The following SAMTOR variants were observed in gnomAD, a reference collection of about 807,000 sequenced individuals.
The protein encoded by SAMTOR is UPF0532 protein C7orf60.
the SAMTOR span, among the ~76,000 whole-genome samples, chr7:112,879,765 C>T: frequency 0.011 from 1,627 of 152,188 alleles, 30 homozygotes; most frequent in African/African-American, 0.037. Flanking sequence ...ATACATCTGC[C>T]ATGCCCATAA....
chr7:112,880,831 A>G, the SAMTOR span, among the ~76,000 whole-genome samples: 1 of 152,214 alleles, frequency 6.6e-6, no homozygotes, highest in Non-Finnish European at 1.5e-5. Context: ...TTGTATGTGT[A>G]TATTATTGAT....
At chr7:112,824,411 A>G in the SAMTOR span, among the ~76,000 whole-genome samples, 3 of 151,808 alleles carry the variant, frequency 2.0e-5, no homozygotes, top group Non-Finnish European at 4.4e-5. Flanking sequence ...CCCAGACTGG[A>G]GTGCAGTAGC....
chr7:112,925,840 C>T, the SAMTOR span, among the ~76,000 whole-genome samples: 2 of 150,666 alleles, frequency 1.3e-5, no homozygotes, highest in Non-Finnish European at 2.9e-5. Flanking sequence ...GACCTGGGTC[C>T]ATGTAGTTTA....
At chr7:112,935,557 C>T in the SAMTOR span, among the ~76,000 whole-genome samples, 1 of 143,140 alleles carries the variant, frequency 7.0e-6, no homozygotes, top group African/African-American at 2.6e-5. Flanking sequence ...TTAAGAATAC[C>T]TCTTTTAACA....
the SAMTOR span, among the ~76,000 whole-genome samples, chr7:112,897,485 TAAAATACTTA>T: frequency 1.3e-5 from 2 of 152,142 alleles, no homozygotes; most frequent in Admixed American, 1.3e-4. Context: ...ACTAAGGCAG[TAAAATACTTA>T]AAGGGCTAAA....
the SAMTOR span, among the ~76,000 whole-genome samples, chr7:112,920,278 T>C: frequency 1.3e-5 from 2 of 152,238 alleles, no homozygotes; most frequent in Non-Finnish European, 1.5e-5. Flanking sequence ...ATCCCTGGGA[T>C]GCAAGGCTGG....
At chr7:112,870,254 C>T in the SAMTOR span, among the ~76,000 whole-genome samples, 1 of 152,076 alleles carries the variant, frequency 6.6e-6, no homozygotes, top group Admixed American at 6.5e-5. Context: ...AGTCACTAGA[C>T]TATCCAAGGT....
chr7:112,925,724 G>A, the SAMTOR span, among the ~76,000 whole-genome samples: 1 of 151,886 alleles, frequency 6.6e-6, no homozygotes, highest in Non-Finnish European at 1.5e-5. Flanking sequence ...AACCTGGGAG[G>A]TGGAGGTTGC....
chr7:112,864,829 AC>A, the SAMTOR span, among the ~76,000 whole-genome samples: 1 of 152,280 alleles, frequency 6.6e-6, no homozygotes, highest in South Asian at 2.1e-4. Flanking sequence ...ATCACAGCTG[AC>A]TGCAACCTTG....
the SAMTOR span, among the ~76,000 whole-genome samples, chr7:112,890,831 C>T: frequency 6.6e-6 from 1 of 151,980 alleles, no homozygotes; most frequent in South Asian, 2.1e-4. Context: ...GCTAGGACCA[C>T]AGGCACATGC....
the SAMTOR span, chr7:112,822,267 G>C: frequency 2.7e-5 from 43 of 1,613,350 alleles, no homozygotes; most frequent in Middle Eastern, 4.9e-4. Context: ...TCCAGGAAGA[G>C]AATCAATAGG....
the SAMTOR span, among the ~76,000 whole-genome samples, chr7:112,825,043 A>G: frequency 1.3e-5 from 2 of 152,128 alleles, no homozygotes; most frequent in Admixed American, 1.3e-4. Flanking sequence ...CTCTATACAG[A>G]CAGGGTCTCA....
At chr7:112,927,783 C>T in the SAMTOR span, among the ~76,000 whole-genome samples, 1 of 152,004 alleles carries the variant, frequency 6.6e-6, no homozygotes, top group Non-Finnish European at 1.5e-5. Context: ...ACAAAGTTCA[C>T]ATTAACATGA....
At chr7:112,824,514 C>T in the SAMTOR span, among the ~76,000 whole-genome samples, 1 of 152,038 alleles carries the variant, frequency 6.6e-6, no homozygotes, top group African/African-American at 2.4e-5. Flanking sequence ...AGGCACGCAC[C>T]ACCATGCCTG....
At chr7:112,883,350 T>TTAA in the SAMTOR span, among the ~76,000 whole-genome samples, 1 of 152,218 alleles carries the variant, frequency 6.6e-6, no homozygotes, top group Non-Finnish European at 1.5e-5. Flanking sequence ...GAGAAGCATG[T>TTAA]GTTAAAGCCC....
the SAMTOR span, among the ~76,000 whole-genome samples, chr7:112,905,037 A>G: frequency 6.6e-6 from 1 of 151,976 alleles, no homozygotes. Context: ...CACATAGACC[A>G]TTAATTCCCC....
chr7:112,925,962 A>G, the SAMTOR span, among the ~76,000 whole-genome samples: 1 of 152,150 alleles, frequency 6.6e-6, no homozygotes, highest in Non-Finnish European at 1.5e-5. Flanking sequence ...GCAAACTGAA[A>G]AGCATACCGA....
At chr7:112,890,462 G>A in the SAMTOR span, among the ~76,000 whole-genome samples, 1 of 151,678 alleles carries the variant, frequency 6.6e-6, no homozygotes, top group Non-Finnish European at 1.5e-5. Context: ...ACTAACGCTT[G>A]TAGGGGAAAA....
At chr7:112,859,788 AGT>A in the SAMTOR span, among the ~76,000 whole-genome samples, 1 of 152,244 alleles carries the variant, frequency 6.6e-6, no homozygotes, top group East Asian at 1.9e-4. Context: ...TTTTCAGCTA[AGT>A]GTTACTGCAA....
Sources: gnomAD v4.1 joint callset for allele counts (sites outside exome capture counted in the v4.1 genomes callset) on GRCh38, gnomAD v4.1.1 for gene constraint, MANE v1.5 for transcripts, NCBI Gene and HGNC (gene_info 2026-07-23, HGNC 2026-07-21) for gene names.